RFTN2: variants seen among roughly 807,000 people sequenced by gnomAD.
The protein encoded by RFTN2 is raftlin-2.
Under a neutral mutation model 52.7 loss-of-function variants are expected in RFTN2, and 34 were observed. The observed-to-expected ratio is 0.64, with a 90% CI of 0.49 to 0.86. RFTN2 has a LOEUF of 0.86. RFTN2 is among the 40% of genes least tolerant of loss of function. RFTN2 has a pLI of 0.00. For missense variants in RFTN2, 536 were observed against 600.1 expected (o/e 0.89, Z 1.12); for synonymous variants, 203 against 217.7 (o/e 0.93, Z 0.59).
At chr2:197,586,057 C>T (rs1574681931) in intron 8 of RFTN2, among the ~76,000 whole-genome samples, 1 of 152,162 alleles carries the variant, frequency 6.6e-6, no homozygotes, top group African/African-American at 2.4e-5. Context: ...ACAATTGGAG[C>T]CTCCCAGCTC....
At chr2:197,607,246 C>T (rs1427401625) in intron 7 of RFTN2, among the ~76,000 whole-genome samples, 7 of 151,984 alleles carry the variant, frequency 4.6e-5, no homozygotes, top group Admixed American at 6.6e-5. Flanking sequence ...AACCAAACAC[C>T]GCATGTTCTC....
intron 8 of RFTN2, among the ~76,000 whole-genome samples, chr2:197,574,177 G>T (rs1422386551): frequency 2.0e-5 from 3 of 152,202 alleles, no homozygotes; most frequent in Admixed American, 2.0e-4. Context: ...CTTGCACTGT[G>T]CACCTGGAAA....
At chr2:197,623,010 C>A (rs1363703599) in intron 5 of RFTN2, among the ~76,000 whole-genome samples, 1 of 152,206 alleles carries the variant, frequency 6.6e-6, no homozygotes, top group Admixed American at 6.5e-5. Flanking sequence ...TGAAGATATA[C>A]AAGAAGATTA....
intron 8 of RFTN2, among the ~76,000 whole-genome samples, chr2:197,588,481 G>A (rs1444887701): frequency 6.6e-6 from 1 of 152,236 alleles, no homozygotes; most frequent in Admixed American, 6.5e-5. Flanking sequence ...CTCCCAGAGT[G>A]CTGGGATTAC....
chr2:197,598,034 G>A (rs996905243), intron 7 of RFTN2, among the ~76,000 whole-genome samples: 1 of 152,212 alleles, frequency 6.6e-6, no homozygotes, highest in African/African-American at 2.4e-5. Context: ...TCAAGGGACA[G>A]CAGGACATGG....
Position 197,596,010 on chromosome 2 carries a change from G to A in RFTN2, c.1214C>T (p.Ser405Leu), listed in dbSNP as rs757079486. 4 of 1,610,766 alleles carry A rather than the reference G, an allele frequency of 2.5e-6. No homozygotes were observed. Among genetic ancestry groups the A allele is most frequent in the South Asian group, 1.1e-5 (1 of 90,930 alleles). Residue 405 changes from serine to leucine, a missense_variant, in exon 8 of 9, where the codon TCA (serine) becomes TTA (leucine). Ser to Leu is a moderately radical substitution (Grantham distance 145, BLOSUM62 -2). Transcript: ENST00000295049. ...VFLQRPVMWN[S>L]AAQTPDKKAS... is the part of the protein sequence containing the mutation. ...ACTCACATCTGGTGTTTGAGCAGCT[G>A]AATTCCACATAACTGGCCTCTGAAG...
At position 197,644,266 on chromosome 2, in the gene RFTN2, C is replaced by A; in HGVS notation, c.330G>T (p.Lys110Asn). ...TTTGTCCACTGGGTGCTGCCGAATT[C>A]TTTGGGCTGTAACAGAGGGAATATG... Reference protein sequence around the residue: ...VVLLRLKLSPKNSAAPSGQRR... With the variant: ...VVLLRLKLSPNNSAAPSGQRR... The change falls in exon 3 of 9, where the codon AAG becomes AAT. Residue 110 changes from lysine (K) to asparagine (N), a missense_variant. By Grantham distance (94) the Lys-to-Asn change is moderately conservative. Transcript: ENST00000295049. 1 of 1,577,920 alleles carries A rather than the reference C, an allele frequency of 6.3e-7. No homozygotes were observed. The highest frequency in any genetic ancestry group is 8.7e-7 in the Non-Finnish European group (1 of 1,147,198).
At chr2:197,655,198 T>C (rs966866370) in intron 1 of RFTN2, among the ~76,000 whole-genome samples, 8 of 152,132 alleles carry the variant, frequency 5.3e-5, no homozygotes, top group African/African-American at 1.9e-4. Flanking sequence ...ACAAAGAAGA[T>C]AGCTATAATA....
intron 7 of RFTN2, among the ~76,000 whole-genome samples, chr2:197,600,851 T>G (rs745911133): frequency 6.6e-6 from 1 of 152,200 alleles, no homozygotes; most frequent in Middle Eastern, 3.2e-3. Flanking sequence ...CATGCTTTGA[T>G]GTATTAGAAA....
At chr2:197,610,241 T>C (rs944172582) in intron 7 of RFTN2, among the ~76,000 whole-genome samples, 1 of 152,222 alleles carries the variant, frequency 6.6e-6, no homozygotes, top group Non-Finnish European at 1.5e-5. Context: ...ATTCTTCCTA[T>C]CCATGAGCAT....
chr2:197,640,337 A>G (rs369500211), intron 3 of RFTN2, among the ~76,000 whole-genome samples: 42 of 147,800 alleles, frequency 2.8e-4, no homozygotes, highest in East Asian at 5.8e-4. Context: ...CCCCAGCCTC[A>G]CTGCCGCCTT....
chr2:197,613,061 T>C (rs2088089612), intron 7 of RFTN2, among the ~76,000 whole-genome samples: 1 of 152,242 alleles, frequency 6.6e-6, no homozygotes, highest in African/African-American at 2.4e-5. Context: ...ATCTTAATAA[T>C]GTCATTATGT....
At chr2:197,636,330 A>C (rs1574729345) in intron 3 of RFTN2, among the ~76,000 whole-genome samples, 1 of 132,394 alleles carries the variant, frequency 7.6e-6, no homozygotes, top group East Asian at 2.0e-4. Flanking sequence ...TACCTTGGGC[A>C]GTATGGCCAT....
In RFTN2 at chr2:197,572,416, C is replaced by T. The variant is rs146030859; in HGVS notation, c.1234-136G>A. Reference sequence around the variant, plus strand: ...TCTTCAAAATCCTGCTCATCTTCAACGACCAGCTCAGAGCTACCTCCACAT... The same window carrying T: ...TCTTCAAAATCCTGCTCATCTTCAATGACCAGCTCAGAGCTACCTCCACAT... On this transcript the variant is annotated intron_variant, in intron 8 of 8. Coordinates refer to ENST00000295049, the MANE Select transcript of RFTN2 (RefSeq NM_144629.3). The T allele has an allele frequency of 3.2e-3, 2,538 of 796,540 alleles. 9 individuals are homozygous for T. Among genetic ancestry groups the T allele is most frequent in the Non-Finnish European group, 4.4e-3 (2,156 of 489,424 alleles). The allele number at this position is 796,540 out of a possible 1,614,324, so 49.3% of individuals were successfully genotyped here.
intron 3 of RFTN2, among the ~76,000 whole-genome samples, chr2:197,637,654 G>A (rs530359144): frequency 2.4e-4 from 37 of 151,836 alleles, no homozygotes; most frequent in South Asian, 1.5e-3. Flanking sequence ...TCTTGCTAGC[G>A]GTCTATCAAT....
intron 6 of RFTN2, among the ~76,000 whole-genome samples, 158 bp from the exon 7 acceptor site, chr2:197,616,137 G>T (rs1428701661): frequency 6.6e-6 from 1 of 152,108 alleles, no homozygotes. Context: ...TCTGATAATT[G>T]AACCAAGTTA....
At chr2:197,580,576 T>G (rs2087489517) in intron 8 of RFTN2, among the ~76,000 whole-genome samples, 1 of 152,236 alleles carries the variant, frequency 6.6e-6, no homozygotes, top group African/African-American at 2.4e-5. Context: ...TCTTCTCAGC[T>G]TAAAGGCTGA....
chr2:197,640,612 C>A (rs577465440), intron 3 of RFTN2, among the ~76,000 whole-genome samples: 118 of 152,338 alleles, frequency 7.7e-4, no homozygotes, highest in African/African-American at 2.2e-3. Flanking sequence ...GTGCGCGCAC[C>A]CACTGACCTG....
At chr2:197,650,284 C>G (rs1450323255) in intron 1 of RFTN2, among the ~76,000 whole-genome samples, 2 of 152,180 alleles carry the variant, frequency 1.3e-5, no homozygotes, top group Non-Finnish European at 2.9e-5. Context: ...CCCATTACTT[C>G]CTGTCAGACC....
Sources: gnomAD v4.1 joint callset for allele counts (sites outside exome capture counted in the v4.1 genomes callset) on GRCh38, gnomAD v4.1.1 for gene constraint, MANE v1.5 for transcripts, NCBI Gene and HGNC (gene_info 2026-07-23, HGNC 2026-07-21) for gene names.